CCSER1: variants seen among roughly 807,000 people sequenced by gnomAD.
CCSER1 encodes the protein serine-rich coiled-coil domain-containing protein 1.
A neutral mutation model predicts 82.0 loss-of-function variants in CCSER1; 41 were observed. The ratio of observed to expected loss-of-function variants is 0.50; its 90% CI spans 0.39 to 0.65. The LOEUF (loss-of-function observed/expected upper bound fraction) is 0.65, where lower values mean the gene tolerates loss of function less well. Among genes scored for constraint, CCSER1 ranks in the 30% least tolerant of loss-of-function variants. The pLI, the probability that CCSER1 is intolerant of heterozygous loss-of-function variation, is 0.00. For missense variants in CCSER1, 1,119 were observed against 1,064.2 expected, an observed-to-expected ratio of 1.05 and a Z score of -0.72; for synonymous variants, 414 against 383.9, an observed-to-expected ratio of 1.08 and a Z score of -0.92.
rs553292300 is a variant in CCSER1, at chr4:90,646,602, C to A, written c.1932+18370C>A. Among the ~76,000 whole-genome samples the A allele has an allele frequency of 3.4e-4, 52 of 152,246 alleles. No homozygotes were observed. In the South Asian group the frequency reaches 9.9e-3, roughly 29 times the overall value. On this transcript the variant is annotated intron_variant, in intron 6 of 10. Coordinates refer to ENST00000509176, the MANE Select transcript of CCSER1 (RefSeq NM_001145065.2). ...TCTGCATTCAAACATTGCTTCTGAG[C>A]CATTTCTTGGTATCCTTATTGTCAG...
chr4:91,136,956 CT>C (rs1285332193), intron 10 of CCSER1, among the ~76,000 whole-genome samples: 1 of 151,550 alleles, frequency 6.6e-6, no homozygotes, highest in Non-Finnish European at 1.5e-5. Flanking sequence ...AAAACCCTAA[CT>C]TAATAGGGAA....
chr4:90,402,247 A>G (rs942575470), intron 4 of CCSER1, among the ~76,000 whole-genome samples: 1 of 152,214 alleles, frequency 6.6e-6, no homozygotes, highest in Non-Finnish European at 1.5e-5. Context: ...AAAAGAGGCA[A>G]ATGCAATTGA....
chr4:91,220,041 C>A (rs1470043620), intron 10 of CCSER1, among the ~76,000 whole-genome samples: 1 of 152,112 alleles, frequency 6.6e-6, no homozygotes, highest in African/African-American at 2.4e-5. Flanking sequence ...AATGGGAGAT[C>A]CACAGTTTAT....
At chr4:90,320,549 C>G (rs1400559166) in intron 3 of CCSER1, among the ~76,000 whole-genome samples, 1 of 151,976 alleles carries the variant, frequency 6.6e-6, no homozygotes, top group East Asian at 1.9e-4. Context: ...ACAATGAGGA[C>G]AAGAAATAGT....
intron 10 of CCSER1, among the ~76,000 whole-genome samples, chr4:91,134,402 C>G: frequency 6.7e-6 from 1 of 150,090 alleles, no homozygotes; most frequent in East Asian, 1.9e-4. Context: ...GTCAGGGCAA[C>G]ACAGCAAGAC....
rs1389360957 is a variant in CCSER1 at position 90,845,463 on chromosome 4, C to T, written c.2094+29618C>T. ...AGCATAAATTACTAATAAATTTGCC[C>T]TTTCTCCCAATCCAAAATTGACAAT... On this transcript the variant is annotated intron_variant, in intron 8 of 10. Transcript: ENST00000509176. Among the ~76,000 whole-genome samples, 8 of 151,808 alleles carry T rather than the reference C, an allele frequency of 5.3e-5. No individual in the cohort carries two copies. The South Asian group carries it at 6.2e-4, about 12-fold the overall frequency.
chr4:91,086,540 G>A (rs953715961), intron 10 of CCSER1, among the ~76,000 whole-genome samples: 14 of 152,082 alleles, frequency 9.2e-5, no homozygotes, highest in Admixed American at 7.2e-4. Context: ...TATAAATGCT[G>A]TACTTAACTC....
chr4:90,404,495 C>T (rs1036131459), intron 4 of CCSER1, among the ~76,000 whole-genome samples: 3 of 152,198 alleles, frequency 2.0e-5, no homozygotes, highest in African/African-American at 7.2e-5. Flanking sequence ...TTTGCATCCT[C>T]TCTATAGAAC....
At chr4:90,208,500 C>G (rs1259595662) in intron 1 of CCSER1, among the ~76,000 whole-genome samples, 1 of 151,386 alleles carries the variant, frequency 6.6e-6, no homozygotes, top group Admixed American at 6.6e-5. Context: ...CCCCTCTTTC[C>G]AGGGGCGTGA....
intron 4 of CCSER1, among the ~76,000 whole-genome samples, chr4:90,443,147 GAGA>G (rs1344283056): frequency 1.3e-5 from 2 of 152,084 alleles, no homozygotes; most frequent in Non-Finnish European, 2.9e-5. Context: ...CTTTTATGGA[GAGA>G]AGATTAGTTC....
At chr4:91,215,898 A>G (rs979686422) in intron 10 of CCSER1, among the ~76,000 whole-genome samples, 35 of 152,330 alleles carry the variant, frequency 2.3e-4, no homozygotes, top group African/African-American at 7.9e-4. Context: ...GAGGATCTGC[A>G]AAGTGGCCAA....
intron 2 of CCSER1, among the ~76,000 whole-genome samples, chr4:90,310,259 A>T (rs1735061028): frequency 6.6e-6 from 1 of 152,108 alleles, no homozygotes; most frequent in Non-Finnish European, 1.5e-5. Context: ...GTTTAAAAAA[A>T]GTGTTAGTAT....
chr4:90,271,040 A>T (rs1726177234), intron 1 of CCSER1, among the ~76,000 whole-genome samples: 1 of 152,140 alleles, frequency 6.6e-6, no homozygotes, highest in African/African-American at 2.4e-5. Context: ...TGGAAAAATA[A>T]ATTTTGTTAA....
At chr4:91,158,156 AG>A (rs1273755094) in intron 10 of CCSER1, among the ~76,000 whole-genome samples, 1 of 152,042 alleles carries the variant, frequency 6.6e-6, no homozygotes, top group African/African-American at 2.4e-5. Flanking sequence ...CACTCAAAGC[AG>A]GAAAAGAACA....
intron 10 of CCSER1, among the ~76,000 whole-genome samples, chr4:91,119,774 T>C (rs971411179): frequency 6.6e-6 from 1 of 152,028 alleles, no homozygotes; most frequent in African/African-American, 2.4e-5. Flanking sequence ...GATAGATGAA[T>C]AGATAATTGA....
intron 10 of CCSER1, among the ~76,000 whole-genome samples, chr4:91,225,306 T>A (rs1279506017): frequency 7.8e-6 from 1 of 128,556 alleles, no homozygotes; most frequent in African/African-American, 3.2e-5. Flanking sequence ...GTATATATAT[T>A]ATATATGTAA....
chr4:91,479,718 T>A (rs13102315), intron 10 of CCSER1, among the ~76,000 whole-genome samples: 5 of 142,600 alleles, frequency 3.5e-5, no homozygotes, highest in Non-Finnish European at 7.7e-5. Context: ...TTTCTTTCTT[T>A]TTTATTTATT....
intron 6 of CCSER1, among the ~76,000 whole-genome samples, chr4:90,666,703 G>A (rs963088029): frequency 3.3e-5 from 5 of 152,120 alleles, no homozygotes; most frequent in African/African-American, 9.7e-5. Context: ...CTGGCACTTT[G>A]GAGAGAGCCA....
At chr4:91,238,912 C>A (rs1488397117) in intron 10 of CCSER1, among the ~76,000 whole-genome samples, 2 of 152,072 alleles carry the variant, frequency 1.3e-5, no homozygotes, top group Non-Finnish European at 2.9e-5. Context: ...CAACCTCTGC[C>A]TCCAGAGTTC....
Sources: allele counts gnomAD v4.1 joint callset (sites outside exome capture counted in the v4.1 genomes callset), GRCh38; gene constraint gnomAD v4.1.1; transcripts MANE v1.5; gene names NCBI Gene and HGNC (gene_info 2026-07-23, HGNC 2026-07-21).